CCDC34: variants seen among roughly 807,000 people sequenced by gnomAD.
The protein encoded by CCDC34 is coiled-coil domain-containing protein 34.
A neutral mutation model predicts 44.1 loss-of-function variants in CCDC34; 40 were observed. The ratio of observed to expected loss-of-function variants is 0.91; its 90% confidence interval spans 0.70 to 1.18. The LOEUF is 1.18. CCDC34 is among the 50% of genes most tolerant of loss of function. The pLI is 0.00. For synonymous variants in CCDC34, 159 were observed against 158.2 expected (o/e 1.01, Z -0.04); for missense variants, 466 against 452.3 (o/e 1.03, Z -0.28).
chr11:27,350,879 T>C (rs914294971), intron 2 of CCDC34, among the ~76,000 whole-genome samples: 3 of 152,208 alleles, frequency 2.0e-5, no homozygotes, highest in African/African-American at 7.2e-5. Flanking sequence ...TTAATTCAGT[T>C]ACACAAAAGA....
intron 2 of CCDC34, 50 bp from the exon 3 acceptor site, chr11:27,350,489 T>C (rs373292888): frequency 6.0e-6 from 9 of 1,490,666 alleles, no homozygotes; most frequent in Non-Finnish European, 8.1e-6. Context: ...AGTACCCAAA[T>C]AACATACATT....
chr11:27,346,138 C>T (rs377012029), intron 3 of CCDC34, among the ~76,000 whole-genome samples: 70 of 152,016 alleles, frequency 4.6e-4, no homozygotes, highest in African/African-American at 1.7e-3. Context: ...TTAATCAGTG[C>T]TTCTTCTTGT....
chr11:27,342,804 A>G (rs1334281920), intron 3 of CCDC34, among the ~76,000 whole-genome samples: 1 of 152,234 alleles, frequency 6.6e-6, no homozygotes, highest in Non-Finnish European at 1.5e-5. Context: ...CTATAACTCA[A>G]TATTTTTTCC....
rs781525497 is a variant in CCDC34, at chr11:27,339,001, G to A, written c.942C>T (p.Ala314=). Residue 314 remains alanine (A), a synonymous_variant, in exon 6 of 6, where the codon GCC becomes GCT. Transcript: ENST00000328697. ...GTTTCCACGGAATTGGATTATAAAA[G>A]GCTGGTTCTGGATAGGAATTTCCAC... ...FYSGNSYPEP[A]FYNPIPWKPI... is the part of the protein sequence containing the mutation. 1 of 1,613,078 alleles carries A rather than the reference G, an allele frequency of 6.2e-7. No individual in the cohort carries two copies. The highest frequency in any genetic ancestry group is 1.1e-5 in the South Asian group (1 of 90,838).
At chr11:27,354,248 T>C (rs565044919) in intron 2 of CCDC34, among the ~76,000 whole-genome samples, 20 of 152,274 alleles carry the variant, frequency 1.3e-4, no homozygotes, top group Admixed American at 1.3e-3. Flanking sequence ...CTACTAAATA[T>C]ATAAAAAGGT....
At chr11:27,356,628 T>C (rs1590330500) in intron 2 of CCDC34, among the ~76,000 whole-genome samples, 1 of 151,888 alleles carries the variant, frequency 6.6e-6, no homozygotes, top group East Asian at 2.0e-4. Flanking sequence ...TTGGTTGCCA[T>C]GTTCTGAAAC....
intron 1 of CCDC34, among the ~76,000 whole-genome samples, chr11:27,360,153 G>T (rs1017890482): frequency 6.6e-6 from 1 of 152,168 alleles, no homozygotes; most frequent in Non-Finnish European, 1.5e-5. Context: ...ATCAAGAAAG[G>T]CTTGACAAGT....
At chr11:27,356,008 A>ATTTTTTTTTTTTTTT (rs34146389) in intron 2 of CCDC34, among the ~76,000 whole-genome samples, 1 of 69,510 alleles carries the variant, frequency 1.4e-5, no homozygotes, top group African/African-American at 5.5e-5. Flanking sequence ...TGTTCCCAGG[A>ATTTTTTTTTTTTTTT]TTTTTTTTTT....
intron 1 of CCDC34, among the ~76,000 whole-genome samples, chr11:27,358,967 C>CAA (rs201251870): frequency 7.4e-6 from 1 of 135,212 alleles, no homozygotes; most frequent in Non-Finnish European, 1.6e-5. Flanking sequence ...GACCCCCCCC[C>CAA]CCCACCGCCA....
chr11:27,350,213 A>C, intron 3 of CCDC34, 119 bp downstream of exon 3: 1 of 1,582,488 alleles, frequency 6.3e-7, no homozygotes, highest in Non-Finnish European at 8.6e-7. Context: ...AAAACAAAAC[A>C]AGCCAAAGAA....
intron 3 of CCDC34, among the ~76,000 whole-genome samples, chr11:27,343,401 C>CA (rs34004808): frequency 0.38 from 42,267 of 110,406 alleles, 6,499 homozygotes; most frequent in South Asian, 0.48. Flanking sequence ...GACTCCGTCT[C>CA]AAAAAAAAAA....
At chr11:27,361,204 C>T (rs1862658720) in intron 1 of CCDC34, among the ~76,000 whole-genome samples, 1 of 152,340 alleles carries the variant, frequency 6.6e-6, no homozygotes, top group East Asian at 1.9e-4. Flanking sequence ...GGAAGGCAGC[C>T]TTAGCCCTGT....
Position 27,357,423 on chromosome 11 carries a change from G to C in CCDC34, c.478C>G (p.Leu160Val). 1 of 1,613,914 alleles carries C rather than the reference G, an allele frequency of 6.2e-7. No individual in the cohort carries two copies. Among genetic ancestry groups the C allele is most frequent in the Non-Finnish European group, 8.5e-7 (1 of 1,179,898 alleles). ...TTTACCTCTAGAGCTTTCAGTTGCA[G>C]CCGGTCACGTTCTTCTTTTTCTTTG... Reference protein sequence around the residue: ...IGKEKEERDRLQLKALEELNQ... With the variant: ...IGKEKEERDRVQLKALEELNQ... Residue 160 changes from leucine (L) to valine (V), a missense_variant, in exon 2 of 6, where the codon CTG becomes GTG. Physicochemically the swap from Leu to Val is conservative, Grantham distance 32. Coordinates refer to ENST00000328697, the MANE Select transcript of CCDC34 (RefSeq NM_030771.2).
chr11:27,355,018 C>T (rs1208803936), intron 2 of CCDC34, among the ~76,000 whole-genome samples: 2 of 152,114 alleles, frequency 1.3e-5, no homozygotes, highest in Non-Finnish European at 2.9e-5. Context: ...CAGCCTTGTT[C>T]TGTGTGACTA....
chr11:27,342,455 C>A (rs1368672797), intron 3 of CCDC34, among the ~76,000 whole-genome samples: 1 of 151,246 alleles, frequency 6.6e-6, no homozygotes, highest in Non-Finnish European at 1.5e-5. Context: ...AAATCTTTGC[C>A]ATCAGTGAAT....
chr11:27,353,086 G>A (rs1273529535), intron 2 of CCDC34, among the ~76,000 whole-genome samples: 4 of 151,976 alleles, frequency 2.6e-5, no homozygotes, highest in Non-Finnish European at 5.9e-5. Context: ...ATTTTCCCGT[G>A]GAATACAACA....
Position 27,362,893 on chromosome 11 carries a change from T to C in CCDC34, c.302A>G (p.His101Arg), listed in dbSNP as rs751949727. 3 of 1,614,116 alleles carry C rather than the reference T, an allele frequency of 1.9e-6. No homozygotes were observed. Among genetic ancestry groups the C allele is most frequent in the East Asian group, 2.2e-5 (1 of 44,876 alleles). The change falls in exon 1 of 6, where the codon CAT becomes CGT. Residue 101 changes from histidine to arginine, a missense_variant. Transcript: ENST00000328697. ...DDEEDVDEDAHDSEAKVASLR... is the reference protein window; with the variant it reads ...DDEEDVDEDARDSEAKVASLR... ...GCTCGCCACTTTGGCCTCTGAATCATGGGCATCTTCATCCACGTCTTCCTC... is the reference window on the plus strand; with the variant it reads ...GCTCGCCACTTTGGCCTCTGAATCACGGGCATCTTCATCCACGTCTTCCTC...
chr11:27,346,339 G>A (rs1301439312), intron 3 of CCDC34, among the ~76,000 whole-genome samples: 1 of 150,018 alleles, frequency 6.7e-6, no homozygotes, highest in East Asian at 2.0e-4. Context: ...GAGGTGCGGT[G>A]AGCCAAGATC....
intron 3 of CCDC34, chr11:27,348,933 A>T (rs1416878449): frequency 1.0e-6 from 1 of 984,932 alleles, no homozygotes; most frequent in African/African-American, 1.7e-5. Context: ...GCCTTCAATA[A>T]CTAGTGATTT....
Sources: gnomAD v4.1 joint callset for allele counts (sites outside exome capture counted in the v4.1 genomes callset) on GRCh38, gnomAD v4.1.1 for gene constraint, MANE v1.5 for transcripts, NCBI Gene and HGNC (gene_info 2026-07-23, HGNC 2026-07-21) for gene names.